The following IGF1R variants were observed in gnomAD, a reference collection of about 807,000 sequenced individuals.
The protein encoded by IGF1R is insulin-like growth factor 1 receptor.
Under a neutral mutation model 144.6 loss-of-function variants are expected in IGF1R, and 44 were observed. That is an observed-to-expected ratio of 0.30 (90% CI 0.24 to 0.39). IGF1R has a LOEUF of 0.39. Among genes scored for constraint, IGF1R ranks in the 10% least tolerant of loss-of-function variants. IGF1R has a pLI of 1.00. For synonymous variants in IGF1R, 795 were observed against 722.8 expected, an observed-to-expected ratio of 1.10 and a Z score of -1.60; for missense variants, 1,355 against 1,833.7, an observed-to-expected ratio of 0.74 and a Z score of 4.77.
intron 20 of IGF1R, among the ~76,000 whole-genome samples, chr15:98,955,402 AT>A (rs2016939036): frequency 6.6e-6 from 1 of 152,322 alleles, no homozygotes; most frequent in South Asian, 2.1e-4. Context: ...GTAAATAAAC[AT>A]TTTTAGACTT....
intron 15 of IGF1R, among the ~76,000 whole-genome samples, chr15:98,934,298 G>A (rs1045510736): frequency 3.9e-5 from 6 of 151,996 alleles, no homozygotes; most frequent in Non-Finnish European, 7.4e-5. Context: ...AGGACCTTAC[G>A]TGCACCATCA....
intron 2 of IGF1R, among the ~76,000 whole-genome samples, chr15:98,711,795 A>T (rs922632524): frequency 1.3e-5 from 2 of 152,222 alleles, no homozygotes; most frequent in East Asian, 3.9e-4. Flanking sequence ...CTGTAACAAA[A>T]TCCCATACCC....
chr15:98,886,290 C>T (rs1440260228), intron 2 of IGF1R, among the ~76,000 whole-genome samples: 17 of 151,980 alleles, frequency 1.1e-4, no homozygotes, highest in Admixed American at 1.1e-3. Flanking sequence ...TTTTCCTCTC[C>T]CCCCAAGGAA....
intron 1 of IGF1R, among the ~76,000 whole-genome samples, chr15:98,656,254 C>T (rs1031282321): frequency 1.3e-5 from 2 of 152,208 alleles, no homozygotes; most frequent in African/African-American, 4.8e-5. Flanking sequence ...CTGGGCCTAC[C>T]TTACTGCTCA....
chr15:98,891,292 G>T lies in IGF1R; in HGVS notation c.641-33G>T. The T allele has an allele frequency of 9.4e-6, 15 of 1,598,132 alleles. No individual in the cohort carries two copies. The highest frequency in any genetic ancestry group is 1.3e-5 in the Non-Finnish European group (15 of 1,177,388). On this transcript the variant is annotated intron_variant, in intron 2 of 20. Transcript: ENST00000650285. This position sits in a 1 kb window ranked among gnomAD's most constrained non-coding sequence, Gnocchi z 4.7. Reference sequence around the variant, plus strand: ...AGAGAAGGCGGTGCCTCCCCTGCCCGGTCTCATCTCCGTCTCTCCTCTCTC... The same window carrying T: ...AGAGAAGGCGGTGCCTCCCCTGCCCTGTCTCATCTCCGTCTCTCCTCTCTC...
At chr15:98,906,882 C>G (rs2014758270) in intron 5 of IGF1R, among the ~76,000 whole-genome samples, 1 of 152,228 alleles carries the variant, frequency 6.6e-6, no homozygotes, top group Admixed American at 6.5e-5. Flanking sequence ...CTTGTGTGCT[C>G]ACTGCACCCC....
intron 1 of IGF1R, among the ~76,000 whole-genome samples, chr15:98,665,364 G>A (rs907549758): frequency 2.6e-5 from 4 of 152,154 alleles, no homozygotes; most frequent in Admixed American, 1.3e-4. Context: ...ATCTGCCTCC[G>A]TTTGAAGCAT....
Position 98,959,338 on chromosome 15 carries a change from CGTGGTCCGGCAGGGCCTGTT to C in IGF1R, c.*1901_*1920del. The C allele has an allele frequency of 4.3e-6, 1 of 233,692 alleles. No homozygotes were observed. Among genetic ancestry groups the C allele is most frequent in the Admixed American group, 5.6e-5 (1 of 17,810 alleles). The allele number at this position is 233,692 out of a possible 1,614,324, so 14.5% of individuals were successfully genotyped here. ...TGCTGAGTCCAAGGGAGCAGCAGAG[CGTGGTCCGGCAGGGCCTGTT>C]GTGGCCCTCGCCACCCCCCTCACCG... On this transcript the variant is annotated 3_prime_UTR_variant, in exon 21 of 21. Coordinates refer to ENST00000650285, the MANE Select transcript of IGF1R (RefSeq NM_000875.5).
At chr15:98,862,212 T>C (rs1381361108) in intron 2 of IGF1R, among the ~76,000 whole-genome samples, 1 of 152,252 alleles carries the variant, frequency 6.6e-6, no homozygotes, top group East Asian at 1.9e-4. Context: ...ATATTATCTG[T>C]AGCAGATGAT....
intron 5 of IGF1R, among the ~76,000 whole-genome samples, chr15:98,908,010 G>C (rs1205071391): frequency 6.6e-6 from 1 of 152,254 alleles, no homozygotes; most frequent in African/African-American, 2.4e-5. Flanking sequence ...AACAAGCTTT[G>C]TGCACACTGA....
chr15:98,687,086 T>C (rs754024564), intron 1 of IGF1R, among the ~76,000 whole-genome samples: 30 of 152,168 alleles, frequency 2.0e-4, no homozygotes, highest in Non-Finnish European at 3.2e-4. Flanking sequence ...AGAGGGAGCA[T>C]GTGAACAAGA....
rs1343562486 is a variant in IGF1R, at chr15:98,935,666, C to G, written c.3297+240C>G. 6.6e-6 allele frequency among the ~76,000 whole-genome samples: 1 copy of G among 152,100 alleles called. No individual in the cohort carries two copies. The highest frequency in any genetic ancestry group is 1.9e-4 in the East Asian group (1 of 5,182). ...ATCCCCTCTGCTAAGCCCCTCTGTG[C>G]CTTTGTTCCTGCATTCCCTCCACCC... On this transcript the variant is annotated intron_variant, in intron 17 of 20. Transcript: ENST00000650285. This position sits in a 1 kb window ranked among gnomAD's most constrained non-coding sequence, Gnocchi z 4.2.
At position 98,649,321 on chromosome 15, in the gene IGF1R, C is replaced by T; in HGVS notation, c.-261C>T. The T allele has an allele frequency of 4.8e-6, 1 of 208,258 alleles. No homozygotes were observed. Among genetic ancestry groups the T allele is most frequent in the African/African-American group, 2.3e-5 (1 of 43,604 alleles). 12.9% of individuals were successfully genotyped at this position (208,258 alleles called of 1,614,324 possible). Reference sequence around the variant, plus strand: ...ACGCCGACAGCCCGCCCCGGCGCGCCTCGGGTTCCCGACTCCGCCGAGCCC... The same window carrying T: ...ACGCCGACAGCCCGCCCCGGCGCGCTTCGGGTTCCCGACTCCGCCGAGCCC... On this transcript the variant is annotated 5_prime_UTR_variant, in exon 1 of 21. Transcript: ENST00000650285.
chr15:98,654,139 C>T (rs2052432701), intron 1 of IGF1R, among the ~76,000 whole-genome samples: 1 of 152,102 alleles, frequency 6.6e-6, no homozygotes, highest in African/African-American at 2.4e-5. Context: ...AGACTTAGGA[C>T]TCTAGTGTTG....
chr15:98,743,590 T>G (rs2054797621), intron 2 of IGF1R, among the ~76,000 whole-genome samples: 1 of 151,488 alleles, frequency 6.6e-6, no homozygotes, highest in African/African-American at 2.4e-5. Flanking sequence ...GGGTTTGGGG[T>G]GGAAAGGTGG....
chr15:98,727,636 C>T (rs2054392502), intron 2 of IGF1R, among the ~76,000 whole-genome samples: 1 of 152,152 alleles, frequency 6.6e-6, no homozygotes, highest in Non-Finnish European at 1.5e-5. Flanking sequence ...CTTGGACAGC[C>T]TCCCCAGCTT....
chr15:98,681,565 G>A (rs562813424), intron 1 of IGF1R, among the ~76,000 whole-genome samples: 1 of 152,270 alleles, frequency 6.6e-6, no homozygotes, highest in East Asian at 1.9e-4. Context: ...GGCATCTGAT[G>A]CTTCCTGGCT....
intron 1 of IGF1R, among the ~76,000 whole-genome samples, chr15:98,670,630 T>G (rs1358234302): frequency 6.6e-6 from 1 of 152,226 alleles, no homozygotes; most frequent in Non-Finnish European, 1.5e-5. Context: ...ATGGAAGAGA[T>G]AGAAGACTGG....
rs570309613 is a variant in IGF1R, at chr15:98,650,618, G to A, written c.94+943G>A. Among the ~76,000 whole-genome samples, 4 of 152,374 alleles carry A rather than the reference G, an allele frequency of 2.6e-5. No homozygotes were observed. The South Asian group carries it at 8.3e-4, about 32-fold the overall frequency. On this transcript the variant is annotated intron_variant, in intron 1 of 20. Coordinates refer to ENST00000650285, the MANE Select transcript of IGF1R (RefSeq NM_000875.5). ...ACACGTGCTCGCAGCGCGGGGTGTA[G>A]TCGCCGCCTCACGGGGACACCTAGA...
Sources: gnomAD v4.1 joint callset for allele counts (sites outside exome capture counted in the v4.1 genomes callset) on GRCh38, gnomAD v4.1.1 for gene constraint, Gnocchi (gnomAD v3.1) non-coding constraint, MANE v1.5 for transcripts, NCBI Gene and HGNC (gene_info 2026-07-23, HGNC 2026-07-21) for gene names.